DCAF7: variants seen among roughly 807,000 people sequenced by gnomAD.
DCAF7 encodes the protein DDB1 and CUL4 associated factor 7.
A neutral mutation model predicts 41.2 loss-of-function variants in DCAF7; 4 were observed. The observed-to-expected ratio is 0.10, with a 90% CI of 0.05 to 0.22. DCAF7 has a LOEUF of 0.22. Among genes scored for constraint, DCAF7 ranks in the 10% least tolerant of loss-of-function variants. The pLI, the probability that DCAF7 is intolerant of heterozygous loss-of-function variation, is 1.00. For missense variants in DCAF7, 131 were observed against 443.2 expected (o/e 0.30, Z 6.32); for synonymous variants, 143 against 164.2 (o/e 0.87, Z 0.99).
At chr17:63,567,662 CT>C (rs967172228) in intron 1 of DCAF7, among the ~76,000 whole-genome samples, 7 of 151,972 alleles carry the variant, frequency 4.6e-5, no homozygotes, top group South Asian at 2.1e-4. Context: ...TGGCGTCCTT[CT>C]TTTTTTTCCC....
intron 1 of DCAF7, among the ~76,000 whole-genome samples, chr17:63,567,709 G>C (rs764687062): frequency 1.3e-5 from 2 of 152,138 alleles, no homozygotes; most frequent in African/African-American, 2.4e-5. Flanking sequence ...GCCCAGGCTG[G>C]AGTGCGGTGG....
intron 1 of DCAF7, among the ~76,000 whole-genome samples, chr17:63,554,241 C>T (rs2033287853): frequency 6.6e-6 from 1 of 152,214 alleles, no homozygotes; most frequent in Admixed American, 6.5e-5. Flanking sequence ...ATGTTTCTAC[C>T]TTCTTTTGTT....
intron 1 of DCAF7, among the ~76,000 whole-genome samples, chr17:63,563,022 C>T (rs1399616896): frequency 1.3e-5 from 2 of 151,944 alleles, no homozygotes; most frequent in African/African-American, 2.4e-5. Flanking sequence ...GATGGGATCT[C>T]GCCATATTGC....
rs1479068747 is a variant in DCAF7 at position 63,585,268 on chromosome 17, C to T, written c.796C>T (p.Arg266Ter). The T allele has an allele frequency of 1.2e-6, 2 of 1,613,870 alleles. No individual in the cohort carries two copies. The highest frequency in any genetic ancestry group is 1.3e-5 in the African/African-American group (1 of 74,906). The change falls in exon 6 of 7, where the codon CGA (arginine) becomes TGA (stop). Residue 266 changes from arginine to a stop codon, truncating the protein, a stop_gained. Transcript: ENST00000614556. LOFTEE classifies it high-confidence loss of function. ...CTPVARLNNH[R>*]ACVNGIAWAP... ...ACCTGTCGCCAGGTTAAACAACCAT[C>T]GAGCATGTGTCAATGGCATTGCTTG...
chr17:63,571,371 G>A lies in DCAF7; in HGVS notation c.139-7099G>A, dbSNP rs551113479. 1.4e-4 allele frequency among the ~76,000 whole-genome samples: 21 copies of A among 152,088 alleles called. No individual in the cohort carries two copies. The East Asian group carries it at 4.1e-3, about 29-fold the overall frequency. On this transcript the variant is annotated intron_variant, in intron 1 of 6. Coordinates refer to ENST00000614556, the MANE Select transcript of DCAF7 (RefSeq NM_005828.5). ...TGGGGTGGCATTGAAAGAGGGACTTGTACTTTTAATTCTCTATACTTAGTA... is the reference window on the plus strand; with the variant it reads ...TGGGGTGGCATTGAAAGAGGGACTTATACTTTTAATTCTCTATACTTAGTA...
Position 63,579,879 on chromosome 17 carries a change from T to C in DCAF7, c.464T>C (p.Val155Ala). Residue 155 changes from valine (V) to alanine (A), a missense_variant, in exon 4 of 7, where the codon GTG (valine) becomes GCG (alanine). Physicochemically the swap from Val to Ala is moderately conservative, Grantham distance 64. Transcript: ENST00000614556. ...CTIWGLETGQVLGRVNLVSGH... is the reference protein window; with the variant it reads ...CTIWGLETGQALGRVNLVSGH... The stretch of plus-strand genomic sequence containing the variant: ...ATCTGGGGGCTGGAGACAGGGCAGG[T>C]GTTAGGGCGAGTGAATCTCGTGTCT... 1 of 1,613,896 alleles carries C rather than the reference T, an allele frequency of 6.2e-7. No homozygotes were observed. The highest frequency in any genetic ancestry group is 8.5e-7 in the Non-Finnish European group (1 of 1,179,842).
At chr17:63,559,196 C>G (rs988798731) in intron 1 of DCAF7, among the ~76,000 whole-genome samples, 1 of 150,104 alleles carries the variant, frequency 6.7e-6, no homozygotes, top group African/African-American at 2.5e-5. Context: ...CTGTAATCCT[C>G]GCTACTTGGG....
At position 63,550,859 on chromosome 17, in the gene DCAF7, C is replaced by T. The variant is rs781042753; in HGVS notation, c.138+44C>T. The stretch of plus-strand genomic sequence containing the variant: ...CGGAACCCAGCTGGCGGGGAGCGGG[C>T]CCCGGGAGCGCCCTTTCCGGGCCGG... On this transcript the variant is annotated intron_variant, in intron 1 of 6. Transcript: ENST00000614556. This position sits in a 1 kb window ranked among gnomAD's most constrained non-coding sequence, Gnocchi z 4.8. 1.6e-5 allele frequency: 25 copies of T among 1,592,672 alleles called. No homozygotes were observed. In the South Asian group the frequency reaches 2.6e-4, roughly 16 times the overall value.
In DCAF7 at chr17:63,579,880, G is replaced by A; in HGVS notation, c.465G>A (p.Val155=). The A allele has an allele frequency of 2.5e-6, 4 of 1,613,950 alleles. No individual in the cohort carries two copies. The highest frequency in any genetic ancestry group is 3.4e-6 in the Non-Finnish European group (4 of 1,179,856). Reference sequence around the variant, plus strand: ...TCTGGGGGCTGGAGACAGGGCAGGTGTTAGGGCGAGTGAATCTCGTGTCTG... The same window carrying A: ...TCTGGGGGCTGGAGACAGGGCAGGTATTAGGGCGAGTGAATCTCGTGTCTG... ...CTIWGLETGQ[V]LGRVNLVSGH... Residue 155 remains valine, a synonymous_variant, in exon 4 of 7, where the codon GTG becomes GTA. Transcript: ENST00000614556.
intron 1 of DCAF7, among the ~76,000 whole-genome samples, chr17:63,559,338 C>CGT (rs1491239384): frequency 5.1e-4 from 11 of 21,696 alleles, no homozygotes; most frequent in African/African-American, 3.8e-3. Flanking sequence ...TATATACATA[C>CGT]ATATATATAC....
chr17:63,571,006 C>T (rs775183474), intron 1 of DCAF7, among the ~76,000 whole-genome samples: 17 of 152,070 alleles, frequency 1.1e-4, no homozygotes, highest in African/African-American at 2.9e-4. Context: ...GCCAACATGG[C>T]GAAGCCCTGT....
intron 1 of DCAF7, among the ~76,000 whole-genome samples, chr17:63,558,637 A>C (rs2033336200): frequency 6.6e-6 from 1 of 152,112 alleles, no homozygotes; most frequent in South Asian, 2.1e-4. Context: ...TCCTGGGCTT[A>C]ATCAGTAGGT....
chr17:63,565,502 G>A (rs1476114568), intron 1 of DCAF7, among the ~76,000 whole-genome samples: 3 of 152,050 alleles, frequency 2.0e-5, no homozygotes, highest in Non-Finnish European at 2.9e-5. Flanking sequence ...GGAGGTAGAA[G>A]TTGTGGTGAG....
chr17:63,584,632 G>A (rs2033658719), intron 5 of DCAF7, among the ~76,000 whole-genome samples: 1 of 151,092 alleles, frequency 6.6e-6, no homozygotes, highest in Admixed American at 6.6e-5. Flanking sequence ...CGTGGTGTCA[G>A]GCACCTGTAG....
chr17:63,586,621 G>T (rs1396837067), intron 6 of DCAF7, among the ~76,000 whole-genome samples: 1 of 151,990 alleles, frequency 6.6e-6, no homozygotes, highest in Non-Finnish European at 1.5e-5. Context: ...AATTAGCTGG[G>T]CGTGGTGGCA....
rs1199142417 is a variant in DCAF7 at position 63,578,752 on chromosome 17, A to C, written c.297+124A>C. Reference sequence around the variant, plus strand: ...AGTGTCATTGCAGCACAGGAGAAGCAAGCGAAGCTTAAATGGACTGGCCTC... The same window carrying C: ...AGTGTCATTGCAGCACAGGAGAAGCCAGCGAAGCTTAAATGGACTGGCCTC... On this transcript the variant is annotated intron_variant, in intron 2 of 6. Transcript: ENST00000614556. 7.4e-6 allele frequency: 10 copies of C among 1,352,318 alleles called. 1 individual carries two copies. Among genetic ancestry groups the C allele is most frequent in the Admixed American group, 6.2e-5 (3 of 48,678 alleles). The allele number at this position is 1,352,318 out of a possible 1,614,324, so 83.8% of individuals were successfully genotyped here. A position where few individuals can be genotyped will look rare whatever the true frequency, so the allele number is the denominator to read the frequency against.
intron 1 of DCAF7, among the ~76,000 whole-genome samples, chr17:63,558,118 C>G (rs1425838882): frequency 6.6e-6 from 1 of 152,170 alleles, no homozygotes; most frequent in African/African-American, 2.4e-5. Context: ...TGGTCTCAAA[C>G]TGTGGGCTCA....
At chr17:63,561,551 T>C (rs1226618928) in intron 1 of DCAF7, among the ~76,000 whole-genome samples, 3 of 152,124 alleles carry the variant, frequency 2.0e-5, no homozygotes, top group Non-Finnish European at 2.9e-5. Context: ...AAACTCCATC[T>C]CTATCAAAAT....
Position 63,550,786 on chromosome 17 carries a change from G to A in DCAF7, c.109G>A (p.Gly37Ser). ...CGATAAGCGCTTTCGCTTGGCGCTG[G>A]GCAGCTTCGTGGAGGAGTACAACAA... ...RPDKRFRLAL[G>S]SFVEEYNNKV... is the part of the protein sequence containing the mutation. The change falls in exon 1 of 7, where the codon GGC becomes AGC. Residue 37 changes from glycine (G) to serine (S), a missense_variant. Transcript: ENST00000614556. The surrounding 1 kb of genome is among the most constrained non-coding windows in gnomAD (Gnocchi z 4.8). 6.2e-7 allele frequency: 1 copy of A among 1,613,852 alleles called. No homozygotes were observed.
Sources: allele counts gnomAD v4.1 joint callset (sites outside exome capture counted in the v4.1 genomes callset), GRCh38; gene constraint gnomAD v4.1.1; non-coding constraint Gnocchi (gnomAD v3.1); transcripts MANE v1.5; gene names NCBI Gene and HGNC (gene_info 2026-07-23, HGNC 2026-07-21).